PRKN: variants seen among roughly 807,000 people sequenced by gnomAD.
PRKN encodes E3 ubiquitin-protein ligase parkin.
PRKN carries 56 observed loss-of-function variants against 59.5 expected under a neutral mutation model. The observed-to-expected ratio is 0.94, with a 90% CI of 0.76 to 1.18. PRKN has a LOEUF of 1.18. Among genes scored for constraint, PRKN ranks in the 50% most tolerant of loss-of-function variants. The pLI, the probability that PRKN is intolerant of heterozygous loss-of-function variation, is 0.00. For synonymous variants in PRKN, 250 were observed against 222.1 expected, an observed-to-expected ratio of 1.13 and a Z score of -1.12; for missense variants, 657 against 596.4, an observed-to-expected ratio of 1.10 and a Z score of -1.06.
At chr6:161,573,071 C>G (rs994864869) in intron 7 of PRKN, among the ~76,000 whole-genome samples, 3 of 152,100 alleles carry the variant, frequency 2.0e-5, no homozygotes, top group African/African-American at 7.2e-5. Flanking sequence ...AGGGAGGCTT[C>G]CCCTGCCAGT....
intron 6 of PRKN, among the ~76,000 whole-genome samples, chr6:161,876,845 C>T (rs1419690275): frequency 6.6e-6 from 1 of 151,978 alleles, no homozygotes; most frequent in Non-Finnish European, 1.5e-5. Flanking sequence ...AAGATCCCTC[C>T]CTCCTTCTTA....
chr6:161,836,314 G>A (rs73603103), intron 6 of PRKN, among the ~76,000 whole-genome samples: 2,205 of 152,320 alleles, frequency 0.014, 55 homozygotes, highest in African/African-American at 0.047. Flanking sequence ...TGCGATGCCA[G>A]TGGTCACAGG....
At position 161,348,239 on chromosome 6, in the gene PRKN, A is replaced by G; in HGVS notation, c.*1860T>C. The G allele has an allele frequency of 4.9e-6, 1 of 204,504 alleles. No homozygotes were observed. Among genetic ancestry groups the G allele is most frequent in the Non-Finnish European group, 1.0e-5 (1 of 99,912 alleles). The allele number at this position is 204,504 out of a possible 1,614,324, so 12.7% of individuals were successfully genotyped here. A position where few individuals can be genotyped will look rare whatever the true frequency, so the allele number is the denominator to read the frequency against. ...GTAATTTAGTGGGACTGCCAGTGAC[A>G]CTAAGTCAGGCCTTGATCAGGGTCT... On this transcript the variant is annotated 3_prime_UTR_variant, in exon 12 of 12. Coordinates refer to ENST00000366898, the MANE Select transcript of PRKN (RefSeq NM_004562.3). This position sits in a 1 kb window ranked among gnomAD's most constrained non-coding sequence, Gnocchi z 4.9.
At chr6:162,208,332 T>C (rs1785046582) in intron 3 of PRKN, among the ~76,000 whole-genome samples, 1 of 152,202 alleles carries the variant, frequency 6.6e-6, no homozygotes, top group African/African-American at 2.4e-5. Context: ...ATCCAGTGAA[T>C]GTACTTCTAA....
At chr6:162,103,533 C>G (rs1026877682) in intron 4 of PRKN, among the ~76,000 whole-genome samples, 5 of 151,342 alleles carry the variant, frequency 3.3e-5, no homozygotes, top group South Asian at 2.1e-4. Flanking sequence ...AGGAATGGAA[C>G]AGAAGTCTCT....
intron 2 of PRKN, among the ~76,000 whole-genome samples, chr6:162,276,250 G>A (rs766288710): frequency 9.9e-5 from 15 of 152,138 alleles, no homozygotes; most frequent in Middle Eastern, 3.4e-3. Context: ...GTTCAAAATC[G>A]TGAAAATGAA....
At position 162,473,626 on chromosome 6, in the gene PRKN, A is replaced by AT. The variant is rs528387316; in HGVS notation, c.8-30154dup. Among the ~76,000 whole-genome samples, 16 of 152,354 alleles carry AT rather than the reference A, an allele frequency of 1.1e-4. 1 individual carries two copies. The East Asian group carries it at 3.1e-3, about 29-fold the overall frequency. On this transcript the variant is annotated intron_variant, in intron 1 of 11. Coordinates refer to ENST00000366898, the MANE Select transcript of PRKN (RefSeq NM_004562.3). ...ATATTATGATTTCAACAAATAATCA[A>AT]TATAGGAGGTATTAATAAGATAGTG...
At position 162,232,566 on chromosome 6, in the gene PRKN, C is replaced by A. The variant is rs561866710; in HGVS notation, c.412+29959G>T. Reference sequence around the variant, plus strand: ...TGAGGATAGGCATATAATGGAGCAGCCGCTTGGTATGAAATCATTGATTTG... The same window carrying A: ...TGAGGATAGGCATATAATGGAGCAGACGCTTGGTATGAAATCATTGATTTG... On this transcript the variant is annotated intron_variant, in intron 3 of 11. Transcript: ENST00000366898. 2.1e-3 allele frequency among the ~76,000 whole-genome samples: 318 copies of A among 152,252 alleles called. 1 individual carries two copies. The highest frequency in any genetic ancestry group is 3.6e-3 in the Non-Finnish European group (245 of 68,020).
At chr6:161,724,844 G>A (rs1056167766) in intron 7 of PRKN, among the ~76,000 whole-genome samples, 1 of 152,068 alleles carries the variant, frequency 6.6e-6, no homozygotes. Flanking sequence ...ATGTTGAATT[G>A]TAATCCCCAA....
intron 7 of PRKN, among the ~76,000 whole-genome samples, chr6:161,570,383 T>C (rs1780843374): frequency 6.7e-6 from 1 of 148,352 alleles, no homozygotes; most frequent in Non-Finnish European, 1.5e-5. Context: ...AAATATTCTA[T>C]GTAAAATAAA....
rs1325375145 is a variant in PRKN, at chr6:161,503,716, T to G, written c.1083+45138A>C. Among the ~76,000 whole-genome samples the G allele has an allele frequency of 6.6e-6, 1 of 152,194 alleles. No homozygotes were observed. Among genetic ancestry groups the G allele is most frequent in the Admixed American group, 6.5e-5 (1 of 15,284 alleles). On this transcript the variant is annotated intron_variant, in intron 9 of 11. Transcript: ENST00000366898. This position sits in a 1 kb window ranked among gnomAD's most constrained non-coding sequence, Gnocchi z 5.1. ...CAACCAGAAGCAGTCCGGCCTGCAG[T>G]TGCTGTTTTAAAAAAGAGGTTGTAA...
chr6:161,753,462 G>C (rs1326205548), intron 7 of PRKN, among the ~76,000 whole-genome samples: 1 of 152,180 alleles, frequency 6.6e-6, no homozygotes, highest in Non-Finnish European at 1.5e-5. Context: ...CAAGTCAGTG[G>C]GGACAACATA....
At chr6:162,600,332 C>A (rs1562423422) in intron 1 of PRKN, among the ~76,000 whole-genome samples, 1 of 152,124 alleles carries the variant, frequency 6.6e-6, no homozygotes, top group Non-Finnish European at 1.5e-5. Flanking sequence ...AGACTAATAA[C>A]CCATGATTTG....
At chr6:161,661,444 T>C (rs1317133832) in intron 7 of PRKN, among the ~76,000 whole-genome samples, 1 of 152,114 alleles carries the variant, frequency 6.6e-6, no homozygotes, top group African/African-American at 2.4e-5. Flanking sequence ...CCAGTTCCTT[T>C]GGATCTATCT....
chr6:161,469,308 C>T (rs1043636751), intron 9 of PRKN, among the ~76,000 whole-genome samples: 28 of 152,210 alleles, frequency 1.8e-4, no homozygotes, highest in Non-Finnish European at 3.4e-4. Context: ...TCTCCTGCCA[C>T]CCTGTGAAGA....
Position 162,501,513 on chromosome 6 carries a change from A to ATTTTT in PRKN, c.8-58041_8-58040insAAAAA, listed in dbSNP as rs201004163. 1.7e-4 allele frequency among the ~76,000 whole-genome samples: 21 copies of ATTTTT among 126,508 alleles called. 1 individual carries two copies. Among genetic ancestry groups the ATTTTT allele is most frequent in the Non-Finnish European group, 2.2e-4 (13 of 59,476 alleles). The allele number at this position is 126,508 out of a possible 152,430, so 83.0% of individuals were successfully genotyped here. ...CAGGCATGTGCCACCACGCCTGGTT[A>ATTTTT]ATTTTTTTTTTTTTTTTTTATTAGT... On this transcript the variant is annotated intron_variant, in intron 1 of 11. Coordinates refer to ENST00000366898, the MANE Select transcript of PRKN (RefSeq NM_004562.3).
chr6:162,382,945 G>C (rs1168374305), intron 2 of PRKN, among the ~76,000 whole-genome samples: 1 of 152,094 alleles, frequency 6.6e-6, no homozygotes, highest in East Asian at 1.9e-4. Flanking sequence ...TTGTTCATCC[G>C]TAAGAAGCAA....
intron 10 of PRKN, among the ~76,000 whole-genome samples, chr6:161,375,880 C>G (rs1785677693): frequency 6.6e-6 from 1 of 152,200 alleles, no homozygotes; most frequent in African/African-American, 2.4e-5. Context: ...TGCACATCCA[C>G]TTAGGCGGCG....
At chr6:162,021,119 CATATATATATATATATATATATAT>C (rs869269519) in intron 5 of PRKN, among the ~76,000 whole-genome samples, 8,216 of 46,482 alleles carry the variant, frequency 0.18, 1,194 homozygotes, top group East Asian at 0.42. Context: ...AAAACAAAAA[CATATATATATATATATATATATAT>C]ATATATATAT....
Sources: allele counts gnomAD v4.1 joint callset (sites outside exome capture counted in the v4.1 genomes callset), GRCh38; gene constraint gnomAD v4.1.1; non-coding constraint Gnocchi (gnomAD v3.1); transcripts MANE v1.5; gene names NCBI Gene and HGNC (gene_info 2026-07-23, HGNC 2026-07-21).